EYS: variants seen among roughly 807,000 people sequenced by gnomAD.
The protein encoded by EYS is EGF-like photoreceptor maintenance factor.
Under a neutral mutation model 282.1 loss-of-function variants are expected in EYS, and 250 were observed. The observed-to-expected ratio is 0.89, with a 90% CI of 0.80 to 0.98. The LOEUF is 0.98. Ranked by LOEUF, EYS falls within the 50% of genes least tolerant of loss-of-function variation. The pLI is 0.00. For synonymous variants in EYS, 1,355 were observed against 1,282.9 expected, an observed-to-expected ratio of 1.06 and a Z score of -1.20; for missense variants, 4,016 against 3,709.0, an observed-to-expected ratio of 1.08 and a Z score of -2.15.
At chr6:64,777,024 G>C (rs1322139486) in intron 22 of EYS, among the ~76,000 whole-genome samples, 1 of 152,168 alleles carries the variant, frequency 6.6e-6, no homozygotes. Context: ...CTTCACAGGA[G>C]AGCAGGAGAG....
chr6:64,602,915 C>T (rs1167520745), intron 24 of EYS, among the ~76,000 whole-genome samples: 1 of 151,948 alleles, frequency 6.6e-6, no homozygotes, highest in Non-Finnish European at 1.5e-5. Context: ...GCTTTAGGGA[C>T]TAATAAAAAC....
At chr6:65,104,927 C>T (rs560729892) in intron 12 of EYS, among the ~76,000 whole-genome samples, 3 of 151,422 alleles carry the variant, frequency 2.0e-5, no homozygotes, top group Admixed American at 6.6e-5. Flanking sequence ...AAATCACATA[C>T]TAATTTTGTG....
At chr6:64,613,661 C>T (rs1767178798) in intron 24 of EYS, among the ~76,000 whole-genome samples, 1 of 152,058 alleles carries the variant, frequency 6.6e-6, no homozygotes, top group Admixed American at 6.6e-5. Context: ...GAAAAACAAA[C>T]TGTAATTGAT....
intron 11 of EYS, among the ~76,000 whole-genome samples, chr6:65,328,254 T>G (rs1184686482): frequency 7.9e-5 from 12 of 151,430 alleles, no homozygotes; most frequent in African/African-American, 2.9e-4. Flanking sequence ...CCAAGATGCC[T>G]CTAGAAGACA....
intron 36 of EYS, among the ~76,000 whole-genome samples, chr6:63,858,881 T>A (rs677894): frequency 6.6e-6 from 1 of 152,076 alleles, no homozygotes; most frequent in Admixed American, 6.6e-5. Flanking sequence ...TTACAAAATG[T>A]CAGCCTGACA....
intron 2 of EYS, among the ~76,000 whole-genome samples, chr6:65,521,197 G>T (rs1767356855): frequency 6.6e-6 from 1 of 152,138 alleles, no homozygotes; most frequent in Admixed American, 6.6e-5. Context: ...AATCATGATA[G>T]AGAATGACCA....
intron 34 of EYS, among the ~76,000 whole-genome samples, chr6:63,991,241 T>C (rs1235387290): frequency 6.6e-6 from 1 of 151,604 alleles, no homozygotes; most frequent in Non-Finnish European, 1.5e-5. Flanking sequence ...TAAAGGTCTT[T>C]CCCTGTACAA....
intron 26 of EYS, among the ~76,000 whole-genome samples, chr6:64,511,903 T>C (rs1350635089): frequency 1.3e-5 from 2 of 151,966 alleles, no homozygotes; most frequent in Non-Finnish European, 2.9e-5. Flanking sequence ...CATCTTTAGG[T>C]AAAGAACATA....
At chr6:64,666,613 A>ATACC (rs1769237523) in intron 22 of EYS, among the ~76,000 whole-genome samples, 1 of 152,224 alleles carries the variant, frequency 6.6e-6, no homozygotes, top group South Asian at 2.1e-4. Flanking sequence ...TTGCTAAATA[A>ATACC]TACCAACCAG....
intron 34 of EYS, among the ~76,000 whole-genome samples, chr6:63,987,677 A>G (rs1233923823): frequency 1.3e-5 from 2 of 151,676 alleles, no homozygotes; most frequent in Admixed American, 1.3e-4. Context: ...ACACACATTC[A>G]TACCTCAAGT....
chr6:64,264,182 A>G (rs998405594), intron 30 of EYS, among the ~76,000 whole-genome samples: 2 of 152,168 alleles, frequency 1.3e-5, no homozygotes, highest in African/African-American at 4.8e-5. Flanking sequence ...ACTTAGGACC[A>G]TGTACTAGCT....
chr6:65,377,690 G>C lies in EYS; in HGVS notation c.1299+6696C>G, dbSNP rs188147253. Among the ~76,000 whole-genome samples, 431 of 152,024 alleles carry C rather than the reference G, an allele frequency of 2.8e-3. 1 individual carries two copies. The highest frequency in any genetic ancestry group is 5.0e-3 in the Non-Finnish European group (343 of 67,976). The stretch of plus-strand genomic sequence containing the variant: ...AGACACAATAAAAAATGATAAAGGG[G>C]ATATCAACACCGATCCCACAGAAAT... On this transcript the variant is annotated intron_variant, in intron 8 of 42. Transcript: ENST00000503581.
intron 2 of EYS, among the ~76,000 whole-genome samples, chr6:65,618,770 A>T (rs1445098291): frequency 1.3e-5 from 2 of 152,160 alleles, no homozygotes; most frequent in Non-Finnish European, 2.9e-5. Flanking sequence ...CTTTCTACAT[A>T]TGGCTAGCCA....
At chr6:64,178,186 C>A (rs971920739) in intron 31 of EYS, among the ~76,000 whole-genome samples, 1 of 151,928 alleles carries the variant, frequency 6.6e-6, no homozygotes, top group South Asian at 2.1e-4. Context: ...ACTAGAAAGC[C>A]CATCTAATTT....
At chr6:65,110,554 T>G (rs534377339) in intron 12 of EYS, among the ~76,000 whole-genome samples, 1 of 152,198 alleles carries the variant, frequency 6.6e-6, no homozygotes, top group Admixed American at 6.5e-5. Context: ...GGCATAGAGC[T>G]TTCCAGACAG....
chr6:64,652,678 A>G (rs1768605151), intron 22 of EYS, among the ~76,000 whole-genome samples: 1 of 152,202 alleles, frequency 6.6e-6, no homozygotes, highest in Non-Finnish European at 1.5e-5. Flanking sequence ...ATCAGTGATA[A>G]TTTGTTATGC....
In EYS at chr6:64,245,040, A is replaced by G. The variant is rs545961139; in HGVS notation, c.6192-14216T>C. Among the ~76,000 whole-genome samples the G allele has an allele frequency of 9.9e-5, 13 of 131,716 alleles. No homozygotes were observed. In the South Asian group the frequency reaches 3.1e-3, roughly 32 times the overall value. 86.4% of individuals were successfully genotyped at this position (131,716 alleles called of 152,430 possible). On this transcript the variant is annotated intron_variant, in intron 30 of 42. Coordinates refer to ENST00000503581, the MANE Select transcript of EYS (RefSeq NM_001142800.2). ...ACCCACCCTGTGTCCAAGTGTTCTCATTGTTCAGTTCCTACCTTTGAGTGA... is the reference window on the plus strand; with the variant it reads ...ACCCACCCTGTGTCCAAGTGTTCTCGTTGTTCAGTTCCTACCTTTGAGTGA...
chr6:64,198,078 C>T lies in EYS; in HGVS notation c.6424+32514G>A, dbSNP rs868111121. Among the ~76,000 whole-genome samples the T allele has an allele frequency of 1.3e-4, 19 of 151,904 alleles. 1 individual carries two copies. Among genetic ancestry groups the T allele is most frequent in the African/African-American group, 3.9e-4 (16 of 41,490 alleles). ...CGTGATCTCGGCTCACTGCAAGCTC[C>T]GCTTCCCGGGTTCACGCCATTCTCC... On this transcript the variant is annotated intron_variant, in intron 31 of 42. Coordinates refer to ENST00000503581, the MANE Select transcript of EYS (RefSeq NM_001142800.2).
intron 2 of EYS, among the ~76,000 whole-genome samples, chr6:65,512,275 G>C (rs1012877269): frequency 1.3e-5 from 2 of 151,892 alleles, no homozygotes; most frequent in African/African-American, 4.8e-5. Context: ...GGCGGTTCAC[G>C]AGGTCAGGAG....
Sources: gnomAD v4.1 joint callset for allele counts (sites outside exome capture counted in the v4.1 genomes callset) on GRCh38, gnomAD v4.1.1 for gene constraint, MANE v1.5 for transcripts, NCBI Gene and HGNC (gene_info 2026-07-23, HGNC 2026-07-21) for gene names.